Variants in ULK4 observed in about 807,000 individuals in gnomAD.
The protein encoded by ULK4 is inactive serine/threonine-protein kinase ULK4.
In ULK4, 133 loss-of-function variants were observed where a neutral mutation model predicts 160.6. The observed-to-expected ratio is 0.83, with a 90% CI of 0.72 to 0.96. ULK4 has a LOEUF of 0.96. ULK4 is among the 40% of genes least tolerant of loss of function. The pLI, the probability that ULK4 is intolerant of heterozygous loss-of-function variation, is 0.00. For synonymous variants in ULK4, 534 were observed against 539.8 expected (o/e 0.99, Z 0.15); for missense variants, 1,580 against 1,499.5 (o/e 1.05, Z -0.89).
chr3:41,583,359 A>G (rs980218306), intron 31 of ULK4, among the ~76,000 whole-genome samples: 5 of 152,246 alleles, frequency 3.3e-5, no homozygotes, highest in East Asian at 1.9e-4. Flanking sequence ...GCAAGCATAA[A>G]TAAGTCTCAT....
intron 34 of ULK4, among the ~76,000 whole-genome samples, chr3:41,402,781 A>G (rs907648109): frequency 6.6e-6 from 1 of 152,188 alleles, no homozygotes; most frequent in African/African-American, 2.4e-5. Context: ...TTGTGTTTAC[A>G]AGAGATACTG....
rs1380541061 is a variant in ULK4 at position 41,757,815 on chromosome 3, G to C, written c.2194-3327C>G. Among the ~76,000 whole-genome samples the C allele has an allele frequency of 2.6e-5, 4 of 151,670 alleles. No homozygotes were observed. The East Asian group carries it at 8.0e-4, about 30-fold the overall frequency. Reference sequence around the variant, plus strand: ...GCTAATTTTTTGTATTTTTAGTAGAGACAGATTTTTACCGTGTTAGCCAAG... The same window carrying C: ...GCTAATTTTTTGTATTTTTAGTAGACACAGATTTTTACCGTGTTAGCCAAG... On this transcript the variant is annotated intron_variant, in intron 21 of 36. Coordinates refer to ENST00000301831, the MANE Select transcript of ULK4 (RefSeq NM_017886.4).
chr3:41,486,439 G>A (rs1045608017), intron 32 of ULK4, among the ~76,000 whole-genome samples: 1 of 152,200 alleles, frequency 6.6e-6, no homozygotes, highest in African/African-American at 2.4e-5. Flanking sequence ...GCTTGCTATA[G>A]CAAGAGAATT....
At chr3:41,482,843 GTGT>G (rs1020636386) in intron 32 of ULK4, among the ~76,000 whole-genome samples, 4 of 152,020 alleles carry the variant, frequency 2.6e-5, no homozygotes, top group Non-Finnish European at 5.9e-5. Flanking sequence ...ATAGTTTATT[GTGT>G]TGTTCAGATT....
At chr3:41,893,376 T>G (rs1422238001) in intron 16 of ULK4, among the ~76,000 whole-genome samples, 2 of 152,204 alleles carry the variant, frequency 1.3e-5, no homozygotes, top group Non-Finnish European at 2.9e-5. Flanking sequence ...CAAAGTTGAC[T>G]GGCAAGGATA....
intron 35 of ULK4, among the ~76,000 whole-genome samples, chr3:41,279,744 C>A (rs913319215): frequency 6.6e-6 from 1 of 152,146 alleles, no homozygotes; most frequent in South Asian, 2.1e-4. Flanking sequence ...AAATCCTTTA[C>A]AAACAAACAA....
chr3:41,436,591 C>A (rs2083043179), intron 34 of ULK4, among the ~76,000 whole-genome samples: 1 of 152,240 alleles, frequency 6.6e-6, no homozygotes, highest in East Asian at 1.9e-4. Context: ...CTCAAATGAA[C>A]AGGATGAAAA....
rs193160257 is a variant in ULK4 at position 41,374,622 on chromosome 3, T to C, written c.3678+23457A>G. Among the ~76,000 whole-genome samples, 748 of 152,318 alleles carry C rather than the reference T, an allele frequency of 4.9e-3. 9 individuals carry two copies. The highest frequency in any genetic ancestry group is 0.016 in the African/African-American group (677 of 41,568). On this transcript the variant is annotated intron_variant, in intron 35 of 36. Coordinates refer to ENST00000301831, the MANE Select transcript of ULK4 (RefSeq NM_017886.4). ...CTAAAAACACTCAATAAACTAGGTA[T>C]TGACGGAACATATCTCAAAACAATA...
At chr3:41,710,789 T>G (rs966700933) in intron 25 of ULK4, among the ~76,000 whole-genome samples, 3 of 128,648 alleles carry the variant, frequency 2.3e-5, no homozygotes, top group African/African-American at 1.1e-4. Flanking sequence ...GAGACTCTTG[T>G]CTCAAAAAAA....
At chr3:41,841,518 C>T (rs536702134) in intron 17 of ULK4, among the ~76,000 whole-genome samples, 2 of 150,888 alleles carry the variant, frequency 1.3e-5, no homozygotes, top group Non-Finnish European at 3.0e-5. Flanking sequence ...GTGAGAAGCA[C>T]CTCTGCCCAG....
At chr3:41,953,051 A>T (rs1700341222) in intron 2 of ULK4, among the ~76,000 whole-genome samples, 1 of 151,974 alleles carries the variant, frequency 6.6e-6, no homozygotes. Context: ...AGGAGAAATG[A>T]AGAATTACAG....
chr3:41,906,861 C>T (rs569818269), intron 12 of ULK4, among the ~76,000 whole-genome samples: 2 of 152,116 alleles, frequency 1.3e-5, no homozygotes, highest in Admixed American at 6.5e-5. Flanking sequence ...GACATGGTGA[C>T]GCACGACTGT....
At chr3:41,325,827 G>A (rs1275992395) in intron 35 of ULK4, among the ~76,000 whole-genome samples, 3 of 152,178 alleles carry the variant, frequency 2.0e-5, no homozygotes, top group South Asian at 2.1e-4. Flanking sequence ...GCTGAGGCAG[G>A]TGAATTGCTA....
At chr3:41,527,561 G>C (rs1246680451) in intron 32 of ULK4, among the ~76,000 whole-genome samples, 1 of 152,176 alleles carries the variant, frequency 6.6e-6, no homozygotes, top group Non-Finnish European at 1.5e-5. Flanking sequence ...CAGGATTTTC[G>C]AAGTGTGGAA....
At chr3:41,641,076 G>A (rs1961363) in intron 30 of ULK4, among the ~76,000 whole-genome samples, 1,941 of 152,200 alleles carry the variant, frequency 0.013, 42 homozygotes, top group African/African-American at 0.045. Flanking sequence ...AGTTTGACCC[G>A]GACCCCAGCC....
intron 35 of ULK4, among the ~76,000 whole-genome samples, chr3:41,254,991 AG>A (rs2078806463): frequency 6.6e-6 from 1 of 152,104 alleles, no homozygotes; most frequent in Non-Finnish European, 1.5e-5. Flanking sequence ...TGGTAAATGT[AG>A]GCCCTAAAAT....
chr3:41,488,113 T>C (rs534364657), intron 32 of ULK4, among the ~76,000 whole-genome samples: 5 of 152,346 alleles, frequency 3.3e-5, no homozygotes, highest in African/African-American at 9.6e-5. Flanking sequence ...ATTACATCTA[T>C]GACATAAAAT....
At chr3:41,599,075 A>G (rs929178705) in intron 31 of ULK4, among the ~76,000 whole-genome samples, 24 of 152,234 alleles carry the variant, frequency 1.6e-4, no homozygotes, top group Admixed American at 2.6e-4. Flanking sequence ...CTCACAGTGC[A>G]TCATGTCACT....
intron 17 of ULK4, among the ~76,000 whole-genome samples, chr3:41,836,376 T>A (rs1240821026): frequency 6.6e-6 from 1 of 152,166 alleles, no homozygotes; most frequent in East Asian, 1.9e-4. Flanking sequence ...TTTTGCCATG[T>A]TGGCCAGGCT....
Sources: allele counts gnomAD v4.1 joint callset (sites outside exome capture counted in the v4.1 genomes callset), GRCh38; gene constraint gnomAD v4.1.1; transcripts MANE v1.5; gene names NCBI Gene and HGNC (gene_info 2026-07-23, HGNC 2026-07-21).